The following LHFPL6 variants were observed in gnomAD, a reference collection of about 807,000 sequenced individuals.
The protein encoded by LHFPL6 is LHFPL tetraspan subfamily member 6 protein.
LHFPL6 carries 9 observed loss-of-function variants against 20.6 expected under a neutral mutation model. The observed-to-expected ratio is 0.44, with a 90% CI of 0.26 to 0.76. The LOEUF (loss-of-function observed/expected upper bound fraction) is 0.76. Among genes scored for constraint, LHFPL6 ranks in the 30% least tolerant of loss-of-function variants. The pLI is 0.20. For synonymous variants in LHFPL6, 105 were observed against 98.7 expected, an observed-to-expected ratio of 1.06 and a Z score of -0.38; for missense variants, 218 against 253.5, an observed-to-expected ratio of 0.86 and a Z score of 0.95.
intron 2 of LHFPL6, among the ~76,000 whole-genome samples, chr13:39,535,249 C>CT (rs1870581118): frequency 6.6e-6 from 1 of 152,212 alleles, no homozygotes; most frequent in South Asian, 2.1e-4. Context: ...GAAGGTAGGA[C>CT]TTTAACATGT....
intron 2 of LHFPL6, among the ~76,000 whole-genome samples, chr13:39,409,506 C>T (rs1389680622): frequency 6.6e-6 from 1 of 152,050 alleles, no homozygotes; most frequent in African/African-American, 2.4e-5. Context: ...TACTGAGATA[C>T]TACGCATGAC....
At chr13:39,415,738 T>C (rs543050302) in intron 2 of LHFPL6, among the ~76,000 whole-genome samples, 41 of 152,328 alleles carry the variant, frequency 2.7e-4, no homozygotes, top group African/African-American at 9.9e-4. Flanking sequence ...CATAAATGAA[T>C]GGGAGAATAA....
chr13:39,435,714 T>C (rs1037801649), intron 2 of LHFPL6, among the ~76,000 whole-genome samples: 5 of 152,092 alleles, frequency 3.3e-5, no homozygotes, highest in African/African-American at 4.8e-5. Context: ...TTAGAAACAA[T>C]TACCTGTCAA....
chr13:39,457,541 C>T (rs1169102557), intron 2 of LHFPL6, among the ~76,000 whole-genome samples: 1 of 152,158 alleles, frequency 6.6e-6, no homozygotes, highest in Non-Finnish European at 1.5e-5. Flanking sequence ...AATGCAAAAT[C>T]ATACAGGTAC....
chr13:39,465,186 GC>G (rs1872773276), intron 2 of LHFPL6, among the ~76,000 whole-genome samples: 1 of 152,118 alleles, frequency 6.6e-6, no homozygotes, highest in African/African-American at 2.4e-5. Flanking sequence ...AAGAGAAAAT[GC>G]CCACCAGCTT....
At chr13:39,448,941 A>G (rs1872366579) in intron 2 of LHFPL6, among the ~76,000 whole-genome samples, 1 of 152,254 alleles carries the variant, frequency 6.6e-6, no homozygotes, top group African/African-American at 2.4e-5. Flanking sequence ...AAACAATGTG[A>G]GCAGATGCAT....
chr13:39,380,934 C>A (rs1056366143), intron 2 of LHFPL6, among the ~76,000 whole-genome samples: 2 of 152,206 alleles, frequency 1.3e-5, no homozygotes, highest in African/African-American at 4.8e-5. Context: ...TGTCTAGTTG[C>A]AGGAAAATAG....
chr13:39,478,313 T>A (rs1566120592), intron 2 of LHFPL6, among the ~76,000 whole-genome samples: 1 of 152,172 alleles, frequency 6.6e-6, no homozygotes, highest in Admixed American at 6.5e-5. Flanking sequence ...CTCTGTGGGT[T>A]GCCAGGCACT....
rs943516607 is a variant in LHFPL6 at position 39,521,595 on chromosome 13, T to C, written c.385+79237A>G. Among the ~76,000 whole-genome samples the C allele has an allele frequency of 5.3e-5, 8 of 152,322 alleles. 1 individual carries two copies. The South Asian group carries it at 6.2e-4, about 12-fold the overall frequency. On this transcript the variant is annotated intron_variant, in intron 2 of 3. Coordinates refer to ENST00000379589, the MANE Select transcript of LHFPL6 (RefSeq NM_005780.3). Reference sequence around the variant, plus strand: ...GATATCCAACGGGTTGGGTTTGTTGTTGTTGTTGTCATTGTGTGTATGTGT... The same window carrying C: ...GATATCCAACGGGTTGGGTTTGTTGCTGTTGTTGTCATTGTGTGTATGTGT...
At chr13:39,346,151 T>A (rs1225110442) in intron 3 of LHFPL6, among the ~76,000 whole-genome samples, 1 of 152,186 alleles carries the variant, frequency 6.6e-6, no homozygotes, top group Non-Finnish European at 1.5e-5. Context: ...AGTTAGCATG[T>A]GCCCCAGGCG....
At chr13:39,444,809 G>A (rs971104604) in intron 2 of LHFPL6, among the ~76,000 whole-genome samples, 3 of 152,194 alleles carry the variant, frequency 2.0e-5, no homozygotes, top group Non-Finnish European at 4.4e-5. Context: ...GGAGCCACTG[G>A]AGACAGTCCC....
chr13:39,461,076 G>T (rs1198738380), intron 2 of LHFPL6, among the ~76,000 whole-genome samples: 2 of 152,176 alleles, frequency 1.3e-5, no homozygotes, highest in African/African-American at 2.4e-5. Flanking sequence ...TTAGAGGGGA[G>T]AACATGCAGT....
Position 39,600,886 on chromosome 13 carries a change from C to T in LHFPL6, c.331G>A (p.Asp111Asn), listed in dbSNP as rs769267476. ...CTTCCCACTGTCCTGGAGATGAGGT[C>T]GGAAACACAGCAACCCATGAGGGCA... ...LTALMGCCVS[D>N]LISRTVGRVA... Residue 111 changes from aspartate to asparagine, a missense_variant, in exon 2 of 4, where the codon GAC becomes AAC. Asp to Asn is a conservative substitution (Grantham distance 23, BLOSUM62 1). Coordinates refer to ENST00000379589, the MANE Select transcript of LHFPL6 (RefSeq NM_005780.3). 20 of 1,550,720 alleles carry T rather than the reference C, an allele frequency of 1.3e-5. No homozygotes were observed. In the Admixed American group the frequency reaches 1.7e-4, roughly 13 times the overall value.
intron 2 of LHFPL6, among the ~76,000 whole-genome samples, chr13:39,552,309 A>G (rs1239525691): frequency 6.6e-6 from 1 of 152,146 alleles, no homozygotes; most frequent in Non-Finnish European, 1.5e-5. Context: ...GAACACACAC[A>G]ACCATATTCA....
chr13:39,546,793 C>G (rs576686165), intron 2 of LHFPL6, among the ~76,000 whole-genome samples: 1 of 152,172 alleles, frequency 6.6e-6, no homozygotes, highest in African/African-American at 2.4e-5. Context: ...TTGTCCACTG[C>G]TTTTTTACTG....
chr13:39,481,076 T>C (rs1265418513), intron 2 of LHFPL6, among the ~76,000 whole-genome samples: 1 of 152,196 alleles, frequency 6.6e-6, no homozygotes, highest in African/African-American at 2.4e-5. Context: ...CCCTTATTTT[T>C]CTCCCTGTAT....
rs536529473 is a variant in LHFPL6, at chr13:39,355,099, T to C, written c.485-11045A>G. ...TACTAGATGCATAGTGATCAGACTC[T>C]CCAAGGTTGACATGAAAGAAAAAAA... On this transcript the variant is annotated intron_variant, in intron 3 of 3. Transcript: ENST00000379589. Among the ~76,000 whole-genome samples, 4 of 148,362 alleles carry C rather than the reference T, an allele frequency of 2.7e-5. No individual in the cohort carries two copies. In the East Asian group the frequency reaches 7.9e-4, roughly 29 times the overall value.
At chr13:39,596,908 C>A (rs1872787837) in intron 2 of LHFPL6, among the ~76,000 whole-genome samples, 1 of 152,128 alleles carries the variant, frequency 6.6e-6, no homozygotes, top group Non-Finnish European at 1.5e-5. Context: ...GAACAAGAGT[C>A]CCAAGCAGTC....
chr13:39,494,541 C>G (rs1869034972), intron 2 of LHFPL6, among the ~76,000 whole-genome samples: 1 of 152,170 alleles, frequency 6.6e-6, no homozygotes, highest in African/African-American at 2.4e-5. Context: ...TGCTCATAAA[C>G]TCTGCTCTGA....
Sources: allele counts gnomAD v4.1 joint callset (sites outside exome capture counted in the v4.1 genomes callset), GRCh38; gene constraint gnomAD v4.1.1; transcripts MANE v1.5; gene names NCBI Gene and HGNC (gene_info 2026-07-23, HGNC 2026-07-21).